Variants in SH3YL1 observed in about 807,000 individuals in gnomAD.
SH3YL1 encodes the protein SH3 domain-containing YSC84-like protein 1.
In SH3YL1, 41 loss-of-function variants were observed where a neutral mutation model predicts 45.8. The observed-to-expected ratio is 0.89, with a 90% CI of 0.70 to 1.16. The LOEUF (loss-of-function observed/expected upper bound fraction) is 1.16. Ranked by LOEUF, SH3YL1 falls within the 50% of genes most tolerant of loss-of-function variation. SH3YL1 has a pLI of 0.00. For synonymous variants in SH3YL1, 152 were observed against 151.4 expected, an observed-to-expected ratio of 1.00 and a Z score of -0.03; for missense variants, 389 against 409.6, an observed-to-expected ratio of 0.95 and a Z score of 0.43.
At chr2:249,283 T>C (rs919006704) in intron 3 of SH3YL1, among the ~76,000 whole-genome samples, 2 of 152,190 alleles carry the variant, frequency 1.3e-5, no homozygotes, top group Non-Finnish European at 2.9e-5. Context: ...TGGGGAAAAC[T>C]CTTCAAATGT....
At position 231,007 on chromosome 2, in the gene SH3YL1, T is replaced by C. The variant is rs374870501; in HGVS notation, c.702+16A>G. ...TTTTCTGAGAATACTGAGTGAAACA[T>C]AAAACCAAACGGTACAGAAGACTTC... On this transcript the variant is annotated intron_variant, in intron 7 of 9. Transcript: ENST00000356150. The C allele has an allele frequency of 1.9e-6, 3 of 1,613,410 alleles. No homozygotes were observed. The highest frequency in any genetic ancestry group is 2.7e-5 in the African/African-American group (2 of 74,894).
chr2:223,273 G>A (rs188086158), intron 9 of SH3YL1, among the ~76,000 whole-genome samples: 1 of 152,118 alleles, frequency 6.6e-6, no homozygotes, highest in Non-Finnish European at 1.5e-5. Context: ...TTTTTCCTTG[G>A]TGCTGTTTAT....
intron 4 of SH3YL1, among the ~76,000 whole-genome samples, chr2:244,200 G>T (rs974338897): frequency 7.6e-6 from 1 of 131,918 alleles, no homozygotes; most frequent in African/African-American, 2.6e-5. Context: ...TACAAGTTTT[G>T]TAAAAAAAAA....
intron 1 of SH3YL1, among the ~76,000 whole-genome samples, chr2:255,392 G>A (rs750854268): frequency 1.2e-4 from 19 of 152,076 alleles, no homozygotes; most frequent in Admixed American, 3.9e-4. Context: ...CCAGGAGTTC[G>A]AGACCAGCCT....
rs544387010 is a variant in SH3YL1 at position 218,800 on chromosome 2, T to C, written c.*11A>G. The C allele has an allele frequency of 1.9e-6, 3 of 1,573,660 alleles. No homozygotes were observed. Among genetic ancestry groups the C allele is most frequent in the African/African-American group, 1.4e-5 (1 of 73,890 alleles). ...TTTTTGTAATTCTCAAAGAAGAAAA[T>C]AGTATACGCTTTAATTCATGGTTAC... On this transcript the variant is annotated 3_prime_UTR_variant, in exon 10 of 10. Transcript: ENST00000356150.
intron 6 of SH3YL1, among the ~76,000 whole-genome samples, chr2:232,455 T>TTA (rs1668090073): frequency 6.6e-6 from 1 of 151,450 alleles, no homozygotes. Context: ...CTTTTTTTTT[T>TTA]AATATACTTT....
intron 4 of SH3YL1, among the ~76,000 whole-genome samples, chr2:238,833 C>T (rs906689331): frequency 6.6e-6 from 1 of 152,184 alleles, no homozygotes; most frequent in Non-Finnish European, 1.5e-5. Flanking sequence ...ACTTCCCCCT[C>T]CCCCAAATTA....
At chr2:226,036 T>G (rs1160419675) in intron 8 of SH3YL1, among the ~76,000 whole-genome samples, 1 of 151,936 alleles carries the variant, frequency 6.6e-6, no homozygotes, top group African/African-American at 2.4e-5. Flanking sequence ...GAGGGGAAAA[T>G]TAGGAAAATG....
At chr2:236,422 T>C (rs1031429591) in intron 4 of SH3YL1, among the ~76,000 whole-genome samples, 1 of 152,102 alleles carries the variant, frequency 6.6e-6, no homozygotes, top group African/African-American at 2.4e-5. Flanking sequence ...GGAACTACTG[T>C]GAGAATCAGA....
intron 1 of SH3YL1, among the ~76,000 whole-genome samples, chr2:261,985 T>C (rs1341167520): frequency 1.3e-5 from 2 of 152,224 alleles, no homozygotes; most frequent in Non-Finnish European, 2.9e-5. Flanking sequence ...GTTAACTCAT[T>C]AAACTGATAA....
At chr2:254,929 T>C (rs1669250158) in intron 1 of SH3YL1, among the ~76,000 whole-genome samples, 1 of 152,088 alleles carries the variant, frequency 6.6e-6, no homozygotes, top group African/African-American at 2.4e-5. Flanking sequence ...CTGTTTGTCT[T>C]CTATCTATTT....
chr2:254,392 C>T (rs1669215143), intron 1 of SH3YL1, among the ~76,000 whole-genome samples: 1 of 152,148 alleles, frequency 6.6e-6, no homozygotes, highest in Admixed American at 6.5e-5. Flanking sequence ...ATCAGCAGAG[C>T]GAAGAAGCTG....
chr2:256,864 T>G (rs1486252268), intron 1 of SH3YL1, among the ~76,000 whole-genome samples: 1 of 152,198 alleles, frequency 6.6e-6, no homozygotes, highest in Non-Finnish European at 1.5e-5. Context: ...AGAGTTCTGG[T>G]TATTCCATAT....
chr2:232,754 C>T (rs766650894), intron 6 of SH3YL1, among the ~76,000 whole-genome samples: 8 of 151,708 alleles, frequency 5.3e-5, no homozygotes, highest in Non-Finnish European at 4.4e-5. Context: ...TCTTAAAATG[C>T]GAAGTGGAAA....
intron 6 of SH3YL1, among the ~76,000 whole-genome samples, chr2:231,923 T>C (rs1245557120): frequency 6.6e-6 from 1 of 152,206 alleles, no homozygotes; most frequent in African/African-American, 2.4e-5. Flanking sequence ...AATAGTGCTG[T>C]TCAGTTCCTG....
intron 2 of SH3YL1, among the ~76,000 whole-genome samples, chr2:251,016 C>G (rs1402778640): frequency 2.0e-5 from 3 of 152,152 alleles, no homozygotes; most frequent in African/African-American, 7.2e-5. Context: ...TCCTCACATT[C>G]TGTTCTCGAT....
intron 1 of SH3YL1, among the ~76,000 whole-genome samples, chr2:253,668 T>C (rs1669180310): frequency 6.6e-6 from 1 of 152,218 alleles, no homozygotes; most frequent in African/African-American, 2.4e-5. Flanking sequence ...TATCCTTAGT[T>C]GAGCAGCCCA....
At chr2:253,417 T>C (rs755316965) in intron 1 of SH3YL1, among the ~76,000 whole-genome samples, 27 of 152,164 alleles carry the variant, frequency 1.8e-4, no homozygotes, top group Admixed American at 4.6e-4. Context: ...AAGAAGGCAA[T>C]GAACGTGACC....
At chr2:249,293 TCA>T (rs1668969990) in intron 3 of SH3YL1, among the ~76,000 whole-genome samples, 1 of 152,196 alleles carries the variant, frequency 6.6e-6, no homozygotes, top group African/African-American at 2.4e-5. Flanking sequence ...TCTTCAAATG[TCA>T]CAGTTTTTAT....
Sources: gnomAD v4.1 joint callset for allele counts (sites outside exome capture counted in the v4.1 genomes callset) on GRCh38, gnomAD v4.1.1 for gene constraint, MANE v1.5 for transcripts, NCBI Gene and HGNC (gene_info 2026-07-23, HGNC 2026-07-21) for gene names.